PCDHA8: variants seen among roughly 807,000 people sequenced by gnomAD.
The protein encoded by PCDHA8 is protocadherin alpha-8.
A neutral mutation model predicts 61.8 loss-of-function variants in PCDHA8; 53 were observed. The ratio of observed to expected loss-of-function variants is 0.86; its 90% CI spans 0.69 to 1.08. The LOEUF is 1.08. Ranked by LOEUF, PCDHA8 falls within the 50% of genes least tolerant of loss-of-function variation. The pLI, the probability that PCDHA8 is intolerant of heterozygous loss-of-function variation, is 0.00. For synonymous variants in PCDHA8, 618 were observed against 556.6 expected (o/e 1.11, Z -1.55); for missense variants, 1,293 against 1,245.0 (o/e 1.04, Z -0.58).
intron 1 of PCDHA8, among the ~76,000 whole-genome samples, chr5:140,949,788 G>C (rs2094421903): frequency 6.6e-6 from 1 of 151,684 alleles, no homozygotes; most frequent in Non-Finnish European, 1.5e-5. Context: ...GTTTAGATTT[G>C]TGTCCTTCAA....
At chr5:140,927,882 G>A in intron 1 of PCDHA8, 2 of 1,614,224 alleles carry the variant, frequency 1.2e-6, no homozygotes, top group Non-Finnish European at 1.7e-6. Context: ...TGGTGGAGGT[G>A]ACTGACGTGA....
chr5:140,877,101 G>A lies in PCDHA8; in HGVS notation c.2394+33386G>A, dbSNP rs375706181. ...TGAGCGCGCGCGACGCCGGCGTGCCGCCTCTGGGCAGCAACGTGACGCTGC... is the reference window on the plus strand; with the variant it reads ...TGAGCGCGCGCGACGCCGGCGTGCCACCTCTGGGCAGCAACGTGACGCTGC... On this transcript the variant is annotated intron_variant, in intron 1 of 3. Transcript: ENST00000531613. 3.3e-5 allele frequency: 53 copies of A among 1,613,354 alleles called. 1 individual carries two copies. The highest frequency in any genetic ancestry group is 4.1e-5 in the Non-Finnish European group (48 of 1,179,850).
chr5:141,010,373 G>A lies in PCDHA8; in HGVS notation c.*436G>A, dbSNP rs1554262916. 6.8e-7 allele frequency: 1 copy of A among 1,463,988 alleles called. No homozygotes were observed. Among genetic ancestry groups the A allele is most frequent in the Admixed American group, 2.4e-5 (1 of 41,618 alleles). The allele number at this position is 1,463,988 out of a possible 1,614,324, so 90.7% of individuals were successfully genotyped here. ...GTGTGGCTACCGCGGGTATGCGAGT[G>A]CCAGATATTGGCTGAGACGAGCCAG... On this transcript the variant is annotated 3_prime_UTR_variant, in exon 4 of 4. Coordinates refer to ENST00000531613, the MANE Select transcript of PCDHA8 (RefSeq NM_018911.3).
chr5:140,869,497 G>C, intron 1 of PCDHA8: 1 of 1,614,202 alleles, frequency 6.2e-7, no homozygotes, highest in South Asian at 1.1e-5. Context: ...CAACCCGCCG[G>C]TGTTCTCGCT....
intron 1 of PCDHA8, among the ~76,000 whole-genome samples, chr5:140,847,234 C>T (rs1197831504): frequency 6.7e-6 from 1 of 149,750 alleles, no homozygotes; most frequent in African/African-American, 2.4e-5. Flanking sequence ...TATTTAACTA[C>T]CTTGAGCAAA....
intron 1 of PCDHA8, chr5:140,926,299 C>G (rs547710989): frequency 3.9e-5 from 6 of 152,464 alleles, no homozygotes; most frequent in Admixed American, 3.9e-4. Context: ...GAGTCCCGCC[C>G]TCTCCGCCGG....
intron 1 of PCDHA8, among the ~76,000 whole-genome samples, chr5:140,937,898 T>C (rs11950543): frequency 0.02 from 2,906 of 145,270 alleles, 39 homozygotes; most frequent in East Asian, 0.058. Flanking sequence ...GGCGACAGAG[T>C]GAGACTCCGT....
chr5:141,001,316 C>T (rs2098007805), intron 3 of PCDHA8, among the ~76,000 whole-genome samples: 2 of 152,096 alleles, frequency 1.3e-5, no homozygotes, highest in African/African-American at 4.8e-5. Flanking sequence ...AAATAATTTG[C>T]CAAACATCAC....
At position 140,883,003 on chromosome 5, in the gene PCDHA8, C is replaced by G. The variant is rs781977743; in HGVS notation, c.2394+39288C>G. 3.1e-6 allele frequency: 5 copies of G among 1,613,932 alleles called. No homozygotes were observed. The African/African-American group carries it at 5.3e-5, about 17-fold the overall frequency. On this transcript the variant is annotated intron_variant, in intron 1 of 3. Coordinates refer to ENST00000531613, the MANE Select transcript of PCDHA8 (RefSeq NM_018911.3). ...ACAACGCCCCGGAATTTTACCAATC[C>G]GTTTATAAAGTGACGGTGTTAGAGA... is the stretch of plus-strand genomic sequence containing the variant.
chr5:140,977,541 G>A (rs1164108305), intron 1 of PCDHA8, among the ~76,000 whole-genome samples: 2 of 152,188 alleles, frequency 1.3e-5, no homozygotes, highest in Non-Finnish European at 2.9e-5. Context: ...GAAGCAGCTT[G>A]CATATGCATA....
chr5:140,884,797 T>A, intron 1 of PCDHA8: 1 of 1,276,990 alleles, frequency 7.8e-7, no homozygotes, highest in Non-Finnish European at 1.1e-6. Flanking sequence ...TTATCGAATT[T>A]AACAACTCTG....
At chr5:140,935,486 A>C (rs1554210536) in intron 1 of PCDHA8, among the ~76,000 whole-genome samples, 1 of 152,228 alleles carries the variant, frequency 6.6e-6, no homozygotes, top group East Asian at 1.9e-4. Context: ...CTTTTCATTT[A>C]TAAGGCACAT....
At chr5:140,967,051 G>A in intron 1 of PCDHA8, 1 of 1,612,562 alleles carries the variant, frequency 6.2e-7, no homozygotes, top group Non-Finnish European at 8.5e-7. Context: ...TGGACCTGAC[G>A]AGTGGAGCGC....
At chr5:140,917,137 C>A (rs868951388) in intron 1 of PCDHA8, among the ~76,000 whole-genome samples, 4 of 152,208 alleles carry the variant, frequency 2.6e-5, no homozygotes, top group African/African-American at 4.8e-5. Context: ...CCACGTTGCT[C>A]AGCTGCTGCT....
intron 1 of PCDHA8, among the ~76,000 whole-genome samples, chr5:140,914,080 T>G (rs2076596374): frequency 6.6e-6 from 1 of 152,222 alleles, no homozygotes; most frequent in African/African-American, 2.4e-5. Flanking sequence ...TAACTATCTA[T>G]TAGGTCAATT....
At chr5:140,979,104 A>G (rs1563470833) in intron 2 of PCDHA8, 97 bp downstream of exon 2, 3 of 1,539,000 alleles carry the variant, frequency 1.9e-6, no homozygotes, top group Admixed American at 2.2e-5. Context: ...TGTCAAAACT[A>G]AAAAGCTTTA....
intron 1 of PCDHA8, among the ~76,000 whole-genome samples, chr5:140,941,223 C>CTT (rs1276732463): frequency 3.0e-5 from 4 of 132,446 alleles, no homozygotes; most frequent in African/African-American, 1.2e-4. Context: ...TCCTTTCTTT[C>CTT]TTTCTTTCTT....
At chr5:140,932,967 T>C (rs367764644) in intron 1 of PCDHA8, among the ~76,000 whole-genome samples, 2 of 152,036 alleles carry the variant, frequency 1.3e-5, no homozygotes, top group South Asian at 2.1e-4. Context: ...TGCTGAAAGG[T>C]TTTTACAATG....
chr5:140,919,706 C>T (rs2079272649), intron 1 of PCDHA8, among the ~76,000 whole-genome samples: 1 of 152,048 alleles, frequency 6.6e-6, no homozygotes, highest in African/African-American at 2.4e-5. Flanking sequence ...TAACTTAATT[C>T]TAGTGAGATA....
Sources: gnomAD v4.1 joint callset for allele counts (sites outside exome capture counted in the v4.1 genomes callset) on GRCh38, gnomAD v4.1.1 for gene constraint, MANE v1.5 for transcripts, NCBI Gene and HGNC (gene_info 2026-07-23, HGNC 2026-07-21) for gene names.